Variants in XPO4 observed in about 807,000 individuals in gnomAD.
XPO4 encodes the protein exportin 4.
A neutral mutation model predicts 143.0 loss-of-function variants in XPO4; 39 were observed. The observed-to-expected ratio is 0.27, with a 90% CI of 0.21 to 0.36. The LOEUF (loss-of-function observed/expected upper bound fraction) is 0.36. Ranked by LOEUF, XPO4 falls within the 10% of genes least tolerant of loss-of-function variation. The pLI, the probability that XPO4 is intolerant of heterozygous loss-of-function variation, is 1.00. For missense variants in XPO4, 907 were observed against 1,348.0 expected (o/e 0.67, Z 5.12); for synonymous variants, 439 against 474.0 (o/e 0.93, Z 0.96).
At chr13:20,804,879 T>G (rs1566570050) in intron 13 of XPO4, among the ~76,000 whole-genome samples, 2 of 152,076 alleles carry the variant, frequency 1.3e-5, no homozygotes, top group African/African-American at 4.8e-5. Flanking sequence ...ATCTTTCTCT[T>G]GGATTACTAC....
chr13:20,843,749 C>T (rs772438421), intron 5 of XPO4, 21 bp downstream of exon 5: 1 of 1,543,308 alleles, frequency 6.5e-7, no homozygotes, highest in South Asian at 1.1e-5. Context: ...AATTAAAACT[C>T]AAGAACAAAA....
chr13:20,846,405 C>T (rs1045080431), intron 4 of XPO4, among the ~76,000 whole-genome samples: 3 of 152,200 alleles, frequency 2.0e-5, no homozygotes, highest in Non-Finnish European at 1.5e-5. Flanking sequence ...GCTACTCCTG[C>T]AACTACAAAC....
At chr13:20,852,207 T>C in intron 4 of XPO4, 1 of 985,444 alleles carries the variant, frequency 1.0e-6, no homozygotes, top group Non-Finnish European at 1.2e-6. Context: ...TTACTAGTAA[T>C]GTTCCTCAAG....
At position 20,787,068 on chromosome 13, in the gene XPO4, A is replaced by G; in HGVS notation, c.3166-11T>C. ...CATATCAAAAACCAGCTGAAATTAC[A>G]TAAGACTTCTAAATAAAAACATAGG... On this transcript the variant is annotated splice_polypyrimidine_tract_variant and intron_variant, in intron 21 of 22. Coordinates refer to ENST00000255305, the MANE Select transcript of XPO4 (RefSeq NM_022459.5). The G allele has an allele frequency of 6.4e-7, 1 of 1,555,790 alleles. No individual in the cohort carries two copies. Among genetic ancestry groups the G allele is most frequent in the Non-Finnish European group, 8.7e-7 (1 of 1,148,252 alleles).
intron 9 of XPO4, among the ~76,000 whole-genome samples, chr13:20,811,255 C>G (rs1439222360): frequency 6.6e-6 from 1 of 151,344 alleles, no homozygotes; most frequent in Non-Finnish European, 1.5e-5. Flanking sequence ...CAAGAAGCCA[C>G]TGCAATGCTT....
At chr13:20,853,095 G>C (rs2060105122) in intron 4 of XPO4, 1 of 962,608 alleles carries the variant, frequency 1.0e-6, no homozygotes, top group Admixed American at 6.2e-5. Flanking sequence ...ATTTTGGAAG[G>C]CTGAGGCAAG....
chr13:20,801,815 G>A (rs542271308), intron 13 of XPO4, among the ~76,000 whole-genome samples: 4 of 152,210 alleles, frequency 2.6e-5, no homozygotes, highest in African/African-American at 9.6e-5. Flanking sequence ...TCCTTTACTA[G>A]TGCTCTCAGG....
At chr13:20,847,394 G>A (rs2060038775) in intron 4 of XPO4, among the ~76,000 whole-genome samples, 1 of 152,098 alleles carries the variant, frequency 6.6e-6, no homozygotes, top group African/African-American at 2.4e-5. Context: ...AGCTAGGGAA[G>A]CAAGCCAAAA....
At chr13:20,876,630 A>G (rs1293678648) in intron 1 of XPO4, among the ~76,000 whole-genome samples, 1 of 152,236 alleles carries the variant, frequency 6.6e-6, no homozygotes, top group East Asian at 1.9e-4. Context: ...AGAATTTCTT[A>G]ATAAAAAGCA....
At chr13:20,847,354 T>C (rs1182146008) in intron 4 of XPO4, among the ~76,000 whole-genome samples, 1 of 152,136 alleles carries the variant, frequency 6.6e-6, no homozygotes, top group Non-Finnish European at 1.5e-5. Flanking sequence ...AAAATGAAGT[T>C]ACTCTCACAT....
Position 20,783,632 on chromosome 13 carries a change from A to G in XPO4, c.*90T>C, listed in dbSNP as rs555396121. ...CTCCAAAATCCAAAATGGCCAAATG[A>G]ACTGAGGAATAGGACAAGACTCAAG... On this transcript the variant is annotated 3_prime_UTR_variant, in exon 23 of 23. Transcript: ENST00000255305. 59 of 1,414,670 alleles carry G rather than the reference A, an allele frequency of 4.2e-5. No homozygotes were observed. In the South Asian group the frequency reaches 6.9e-4, roughly 17 times the overall value. 87.6% of individuals were successfully genotyped at this position (1,414,670 alleles called of 1,614,324 possible).
intron 3 of XPO4, among the ~76,000 whole-genome samples, chr13:20,860,692 T>C (rs978251435): frequency 6.6e-6 from 1 of 152,134 alleles, no homozygotes; most frequent in African/African-American, 2.4e-5. Context: ...AAGAGCAAAC[T>C]AGTATCACAT....
chr13:20,899,488 G>A (rs2060600424), intron 1 of XPO4, among the ~76,000 whole-genome samples: 2 of 152,104 alleles, frequency 1.3e-5, no homozygotes, highest in South Asian at 2.1e-4. Flanking sequence ...CCCATCTGTA[G>A]CATAGAAGGG....
In XPO4 at chr13:20,795,302, T is replaced by C. The variant is rs544655277; in HGVS notation, c.2797+774A>G. ...GAGTGAACTCTACAGCACTGAAAAC[T>C]ATACACATATATGAGGTTTAAATTA... On this transcript the variant is annotated intron_variant, in intron 18 of 22. Transcript: ENST00000255305. Among the ~76,000 whole-genome samples the C allele has an allele frequency of 1.2e-4, 18 of 152,310 alleles. 1 individual carries two copies. The highest frequency in any genetic ancestry group is 4.3e-4 in the African/African-American group (18 of 41,568).
chr13:20,787,796 T>C (rs964684504), intron 20 of XPO4, among the ~76,000 whole-genome samples, 198 bp from the exon 21 acceptor site: 1 of 152,230 alleles, frequency 6.6e-6, no homozygotes, highest in Non-Finnish European at 1.5e-5. Flanking sequence ...TATAAGGTTT[T>C]TGGGTTTGAG....
At chr13:20,845,078 C>T (rs191155319) in intron 4 of XPO4, among the ~76,000 whole-genome samples, 9 of 152,284 alleles carry the variant, frequency 5.9e-5, no homozygotes, top group Admixed American at 3.3e-4. Flanking sequence ...GACACCAAGG[C>T]AGGAGAACGC....
At chr13:20,819,007 G>T (rs773134268) in intron 9 of XPO4, among the ~76,000 whole-genome samples, 1 of 152,114 alleles carries the variant, frequency 6.6e-6, no homozygotes. Context: ...TTTTTAAGTA[G>T]AGAAGGGGTT....
rs973091282 is a variant in XPO4 at position 20,781,412 on chromosome 13, T to C, written c.*2310A>G. The C allele has an allele frequency of 6.6e-6, 1 of 152,650 alleles. No homozygotes were observed. Among genetic ancestry groups the C allele is most frequent in the Non-Finnish European group, 1.5e-5 (1 of 68,050 alleles). The allele number at this position is 152,650 out of a possible 1,614,324, so 9.5% of individuals were successfully genotyped here. A position where few individuals can be genotyped will look rare whatever the true frequency, so the allele number is the denominator to read the frequency against. On this transcript the variant is annotated 3_prime_UTR_variant, in exon 23 of 23. Transcript: ENST00000255305. Reference sequence around the variant, plus strand: ...CCATCACCTAAAAAATGGTAGTGGCTTCTCCCCACCCCAGTGAGCTAATAT... The same window carrying C: ...CCATCACCTAAAAAATGGTAGTGGCCTCTCCCCACCCCAGTGAGCTAATAT...
intron 4 of XPO4, chr13:20,851,274 G>A (rs1353564414): frequency 4.1e-6 from 4 of 985,240 alleles, no homozygotes; most frequent in Non-Finnish European, 4.8e-6. Context: ...CATTTAACCT[G>A]CCATATAGAG....
Sources: gnomAD v4.1 joint callset for allele counts (sites outside exome capture counted in the v4.1 genomes callset) on GRCh38, gnomAD v4.1.1 for gene constraint, MANE v1.5 for transcripts, NCBI Gene and HGNC (gene_info 2026-07-23, HGNC 2026-07-21) for gene names.